HTT: variants seen among roughly 807,000 people sequenced by gnomAD.
HTT encodes the protein huntingtin, also known as huntington disease protein.
Under a neutral mutation model 362.3 loss-of-function variants are expected in HTT, and 104 were observed. The observed-to-expected ratio is 0.29, with a 90% CI of 0.24 to 0.34. The LOEUF is 0.34. Among genes scored for constraint, HTT ranks in the 10% least tolerant of loss-of-function variants. The pLI, the probability that HTT is intolerant of heterozygous loss-of-function variation, is 1.00. For synonymous variants in HTT, 1,577 were observed against 1,548.7 expected, an observed-to-expected ratio of 1.02 and a Z score of -0.43; for missense variants, 3,301 against 3,928.6, an observed-to-expected ratio of 0.84 and a Z score of 4.27.
chr4:3,160,014 A>G (rs1216841562), intron 28 of HTT, among the ~76,000 whole-genome samples: 1 of 152,230 alleles, frequency 6.6e-6, no homozygotes, highest in Admixed American at 6.5e-5. Context: ...ATTATGAAAG[A>G]AAGTTAGGAA....
In HTT at chr4:3,225,757, C is replaced by G. The variant is rs575341165; in HGVS notation, c.7848+14C>G. On this transcript the variant is annotated intron_variant, in intron 57 of 66. Coordinates refer to ENST00000355072, the MANE Select transcript of HTT (RefSeq NM_001388492.1). ...AAACTCGGCCAGGTCAGTCTCGCGC[C>G]CCCGCCGCCTGGCCTCTGTCCGTTT... 3 of 1,606,924 alleles carry G rather than the reference C, an allele frequency of 1.9e-6. No homozygotes were observed. The South Asian group carries it at 3.3e-5, about 18-fold the overall frequency.
chr4:3,211,663 T>C (rs1720166854), intron 47 of HTT, among the ~76,000 whole-genome samples: 1 of 152,072 alleles, frequency 6.6e-6, no homozygotes, highest in African/African-American at 2.4e-5. Context: ...TTCAAGCAAA[T>C]CCAAGAGCAT....
At chr4:3,102,666 G>A (rs1029425426) in intron 3 of HTT, among the ~76,000 whole-genome samples, 4 of 152,154 alleles carry the variant, frequency 2.6e-5, no homozygotes, top group Admixed American at 6.5e-5. Context: ...CCCATGCCAC[G>A]GTTAAAGAGA....
intron 1 of HTT, among the ~76,000 whole-genome samples, chr4:3,076,419 C>A (rs1712554010): frequency 6.6e-6 from 1 of 152,092 alleles, no homozygotes; most frequent in African/African-American, 2.4e-5. Flanking sequence ...TGTTATGATC[C>A]TTGTCTCGTC....
chr4:3,075,559 T>G (rs1475413300), intron 1 of HTT, among the ~76,000 whole-genome samples: 3 of 148,784 alleles, frequency 2.0e-5, no homozygotes, highest in Non-Finnish European at 4.4e-5. Context: ...GCGGGACACT[T>G]CGAGAGGAGG....
chr4:3,136,201 A>G (rs1560563753), intron 20 of HTT, 25 bp from the exon 21 acceptor site: 4 of 1,472,600 alleles, frequency 2.7e-6, no homozygotes, highest in Non-Finnish European at 3.8e-6. Flanking sequence ...GATTATGTTT[A>G]TTTTTATTAT....
intron 11 of HTT, among the ~76,000 whole-genome samples, 156 bp from the exon 12 acceptor site, chr4:3,127,108 A>G (rs1715556160): frequency 6.6e-6 from 1 of 152,216 alleles, no homozygotes; most frequent in South Asian, 2.1e-4. Context: ...GAGATGCTTG[A>G]AGGATGCACT....
chr4:3,074,706 C>A lies in HTT; in HGVS notation c.-120C>A. On this transcript the variant is annotated 5_prime_UTR_variant, in exon 1 of 67. Transcript: ENST00000355072. ...GCTGCCGGGACGGGTCCAAGATGGA[C>A]GGCCGCTCAGGTTCTGCTTTTACCT... 2 of 1,086,330 alleles carry A rather than the reference C, an allele frequency of 1.8e-6. No individual in the cohort carries two copies. Among genetic ancestry groups the A allele is most frequent in the Non-Finnish European group, 2.5e-6 (2 of 801,924 alleles). The allele number at this position is 1,086,330 out of a possible 1,614,324, so 67.3% of individuals were successfully genotyped here.
intron 28 of HTT, among the ~76,000 whole-genome samples, chr4:3,159,319 T>C (rs536516871): frequency 3.3e-5 from 5 of 152,324 alleles, no homozygotes; most frequent in South Asian, 4.2e-4. Flanking sequence ...GAACTTCCCA[T>C]GGTGAACTTC....
rs1720805432 is a variant in HTT at position 3,224,213 on chromosome 4, T to TG, written c.7765+83dup. 6 of 1,436,764 alleles carry TG rather than the reference T, an allele frequency of 4.2e-6. No individual in the cohort carries two copies. In the Admixed American group the frequency reaches 1.0e-4, roughly 24 times the overall value. 89.0% of individuals were successfully genotyped at this position (1,436,764 alleles called of 1,614,324 possible). On this transcript the variant is annotated intron_variant, in intron 56 of 66. Transcript: ENST00000355072. ...ACTGGCATGCTCACCACACCAGTGATGCGGGAAGACCTGAGTGTGGTCTGA... is the reference window on the plus strand; with the variant it reads ...ACTGGCATGCTCACCACACCAGTGATGGCGGGAAGACCTGAGTGTGGTCTGA...
chr4:3,118,251 C>T (rs1326894201), intron 8 of HTT, among the ~76,000 whole-genome samples: 1 of 152,170 alleles, frequency 6.6e-6, no homozygotes, highest in African/African-American at 2.4e-5. Flanking sequence ...GATAAGTGTA[C>T]TCTTTTAAAA....
At chr4:3,099,244 C>G in intron 2 of HTT, 30 bp from the exon 3 acceptor site, 1 of 1,539,616 alleles carries the variant, frequency 6.5e-7, no homozygotes, top group African/African-American at 1.4e-5. Context: ...TTAGGCTCCT[C>G]TTGACAGTTT....
intron 21 of HTT, among the ~76,000 whole-genome samples, chr4:3,138,310 G>A (rs900007385): frequency 6.6e-6 from 1 of 151,934 alleles, no homozygotes; most frequent in African/African-American, 2.4e-5. Context: ...TGGTTACATG[G>A]TGAAGTCTGA....
At chr4:3,079,527 G>A (rs1255014593) in intron 1 of HTT, among the ~76,000 whole-genome samples, 1 of 152,100 alleles carries the variant, frequency 6.6e-6, no homozygotes, top group African/African-American at 2.4e-5. Flanking sequence ...AAATCTTCCT[G>A]TTTCAGGAAT....
Position 3,225,677 on chromosome 4 carries a change from C to A in HTT, c.7782C>A (p.His2594Gln), listed in dbSNP as rs369560571. The A allele has an allele frequency of 6.2e-7, 1 of 1,614,050 alleles. No homozygotes were observed. The highest frequency in any genetic ancestry group is 8.5e-7 in the Non-Finnish European group (1 of 1,179,958). Reference protein sequence around the residue: ...SPATTGALISHEKLLLQINPE... With the variant: ...SPATTGALISQEKLLLQINPE... ...TGTTCACAGGTGCCCTCATCAGCCACGAGAAGCTGCTGCTACAGATCAACC... is the reference window on the plus strand; with the variant it reads ...TGTTCACAGGTGCCCTCATCAGCCAAGAGAAGCTGCTGCTACAGATCAACC... The change falls in exon 57 of 67, where the codon CAC becomes CAA. Residue 2594 changes from histidine (H) to glutamine (Q), a missense_variant. Around this residue, in one of 4 missense-constraint regions of HTT, gnomAD observed 753 missense variants for 1,021.3 expected, o/e 0.74. Transcript: ENST00000355072.
chr4:3,097,188 C>T (rs899985840), intron 2 of HTT, among the ~76,000 whole-genome samples: 1 of 152,036 alleles, frequency 6.6e-6, no homozygotes, highest in African/African-American at 2.4e-5. Flanking sequence ...AAATAGAAAA[C>T]AAAAATACAT....
intron 4 of HTT, among the ~76,000 whole-genome samples, chr4:3,104,904 A>G (rs963536275): frequency 2.6e-5 from 4 of 152,286 alleles, no homozygotes; most frequent in Admixed American, 2.0e-4. Flanking sequence ...ACCCTGTCTC[A>G]AAAGAAAAAC....
rs568750000 is a variant in HTT at position 3,078,650 on chromosome 4, C to T, written c.263+3562C>T. 2.6e-5 allele frequency among the ~76,000 whole-genome samples: 4 copies of T among 152,112 alleles called. 1 individual carries two copies. The highest frequency in any genetic ancestry group is 9.6e-5 in the African/African-American group (4 of 41,488). Reference sequence around the variant, plus strand: ...CTAGTGTGATCTTGGCTCACTGCAACCTCTGCCTCTTGGGTTCAAGTGATT... The same window carrying T: ...CTAGTGTGATCTTGGCTCACTGCAATCTCTGCCTCTTGGGTTCAAGTGATT... On this transcript the variant is annotated intron_variant, in intron 1 of 66. Coordinates refer to ENST00000355072, the MANE Select transcript of HTT (RefSeq NM_001388492.1).
In HTT at chr4:3,240,139, C is replaced by G. The variant is rs566565467; in HGVS notation, c.*80C>G. The G allele has an allele frequency of 2.8e-4, 359 of 1,260,534 alleles. 2 individuals carry two copies. In the African/African-American group the frequency reaches 5.0e-3, roughly 17 times the overall value. The allele number at this position is 1,260,534 out of a possible 1,614,324, so 78.1% of individuals were successfully genotyped here. On this transcript the variant is annotated 3_prime_UTR_variant, in exon 67 of 67. Transcript: ENST00000355072. ...TCTGCGCCCTTGTGCCCTGCCTCCA[C>G]CGAGCCAGCTTGGTCCCTATGGGCT...
Sources: gnomAD v4.1 joint callset for allele counts (sites outside exome capture counted in the v4.1 genomes callset) on GRCh38, gnomAD v4.1.1 for gene constraint, gnomAD v4.1.1 regional missense constraint, MANE v1.5 for transcripts, NCBI Gene and HGNC (gene_info 2026-07-23, HGNC 2026-07-21) for gene names.